Variants in TMPRSS6 observed in about 807,000 individuals in gnomAD.
TMPRSS6 encodes the protein transmembrane serine protease 6.
Under a neutral mutation model 101.5 loss-of-function variants are expected in TMPRSS6, and 67 were observed. The ratio of observed to expected loss-of-function variants is 0.66; its 90% CI spans 0.54 to 0.81. TMPRSS6 has a LOEUF of 0.81. Among genes scored for constraint, TMPRSS6 ranks in the 30% least tolerant of loss-of-function variants. The pLI, the probability that TMPRSS6 is intolerant of heterozygous loss-of-function variation, is 0.00. For missense variants in TMPRSS6, 1,034 were observed against 1,088.7 expected, an observed-to-expected ratio of 0.95 and a Z score of 0.71; for synonymous variants, 453 against 464.9, an observed-to-expected ratio of 0.97 and a Z score of 0.33.
At position 37,067,421 on chromosome 22, in the gene TMPRSS6, C is replaced by G. The variant is rs1288940667; in HGVS notation, c.2114-459G>C. Among the ~76,000 whole-genome samples, 5 of 152,088 alleles carry G rather than the reference C, an allele frequency of 3.3e-5. No individual in the cohort carries two copies. In the East Asian group the frequency reaches 9.6e-4, roughly 29 times the overall value. On this transcript the variant is annotated intron_variant, in intron 16 of 17. Transcript: ENST00000676104. ...GGAGGAGGGGGATCCGAGCCGAGATCGCGCCATTGCACTCCAGCCTGGGCA... is the reference window on the plus strand; with the variant it reads ...GGAGGAGGGGGATCCGAGCCGAGATGGCGCCATTGCACTCCAGCCTGGGCA...
At chr22:37,068,579 A>C in intron 16 of TMPRSS6, 1 of 779,528 alleles carries the variant, frequency 1.3e-6, no homozygotes, top group Non-Finnish European at 2.4e-6. Flanking sequence ...CCTGGGTTCT[A>C]ATCTTTGCTC....
intron 8 of TMPRSS6, 25 bp downstream of exon 8, chr22:37,086,258 G>T (rs766331809): frequency 1.9e-6 from 3 of 1,614,008 alleles, no homozygotes; most frequent in Admixed American, 3.3e-5. Flanking sequence ...CCCCTCCCCT[G>T]CCCCAGGGAC....
chr22:37,069,255 C>A lies in TMPRSS6; in HGVS notation c.1931G>T (p.Arg644Leu), dbSNP rs774535079. The change falls in exon 16 of 18, where the codon CGC (arginine) becomes CTC (leucine). Residue 644 changes from arginine to leucine, a missense_variant. By Grantham distance (102) the Arg-to-Leu change is moderately radical. Coordinates refer to ENST00000676104, the MANE Select transcript of TMPRSS6 (RefSeq NM_001374504.1). The surrounding 1 kb of genome is among the most constrained non-coding windows in gnomAD (Gnocchi z 4.8). ...TTCGTGGTACGGGTGCAGGAGCAGG[C>A]GGCTCACCTTGAAGGACACCTCTCC... ...WPGEVSFKVS[R>L]LLLHPYHEED... 6.2e-7 allele frequency: 1 copy of A among 1,611,180 alleles called. No individual in the cohort carries two copies.
rs191590300 is a variant in TMPRSS6, at chr22:37,082,609, G to A, written c.1196+1686C>T. The stretch of plus-strand genomic sequence containing the variant: ...AGCTCCATGAGGGGTCAGGGCAGCC[G>A]TTCCCAGAGGTGCCCCCATCATGCT... On this transcript the variant is annotated intron_variant, in intron 10 of 17. Coordinates refer to ENST00000676104, the MANE Select transcript of TMPRSS6 (RefSeq NM_001374504.1). 36 of 212,518 alleles carry A rather than the reference G, an allele frequency of 1.7e-4. No individual in the cohort carries two copies. In the East Asian group the frequency reaches 2.5e-3, roughly 15 times the overall value. The allele number at this position is 212,518 out of a possible 1,614,324, so 13.2% of individuals were successfully genotyped here. A position where few individuals can be genotyped will look rare whatever the true frequency, so the allele number is the denominator to read the frequency against.
intron 13 of TMPRSS6, 44 bp from the exon 14 acceptor site, chr22:37,071,076 T>G: frequency 6.3e-7 from 1 of 1,581,820 alleles, no homozygotes; most frequent in Non-Finnish European, 8.7e-7. Context: ...GGTGGGTCTC[T>G]GAGCCCCAAG....
At chr22:37,106,792 G>T (rs1930739319) in intron 1 of TMPRSS6, among the ~76,000 whole-genome samples, 1 of 152,166 alleles carries the variant, frequency 6.6e-6, no homozygotes. Context: ...CTTCCATCAT[G>T]CACATGGTGC....
intron 6 of TMPRSS6, among the ~76,000 whole-genome samples, chr22:37,091,552 A>T (rs1929265732): frequency 6.6e-6 from 1 of 152,226 alleles, no homozygotes; most frequent in Admixed American, 6.5e-5. Flanking sequence ...CTCATGGGCC[A>T]TACAAAATCA....
chr22:37,091,798 T>C (rs1929286727), intron 6 of TMPRSS6, among the ~76,000 whole-genome samples: 1 of 152,168 alleles, frequency 6.6e-6, no homozygotes, highest in Non-Finnish European at 1.5e-5. Context: ...GTAATAATAA[T>C]CCCTGTCCTA....
intron 6 of TMPRSS6, among the ~76,000 whole-genome samples, chr22:37,093,093 A>T (rs1417618832): frequency 6.6e-6 from 1 of 152,354 alleles, no homozygotes; most frequent in East Asian, 1.9e-4. Context: ...GGGGCCTGGC[A>T]TGAAGGAAGT....
chr22:37,091,442 A>AG (rs1389930814), intron 6 of TMPRSS6, among the ~76,000 whole-genome samples: 4 of 151,984 alleles, frequency 2.6e-5, no homozygotes, highest in Non-Finnish European at 5.9e-5. Context: ...CCCCCAGGGG[A>AG]GGGGGTATAT....
At chr22:37,107,148 G>A (rs914234193) in intron 1 of TMPRSS6, among the ~76,000 whole-genome samples, 4 of 152,198 alleles carry the variant, frequency 2.6e-5, no homozygotes, top group African/African-American at 9.7e-5. Context: ...CCTCCAGGAA[G>A]GAGGACTTGT....
At position 37,103,513 on chromosome 22, in the gene TMPRSS6, C is replaced by G; in HGVS notation, c.-1-95G>C. The G allele has an allele frequency of 6.2e-7, 1 of 1,614,182 alleles. No individual in the cohort carries two copies. Among genetic ancestry groups the G allele is most frequent in the African/African-American group, 1.3e-5 (1 of 75,048 alleles). On this transcript the variant is annotated intron_variant, in intron 1 of 17. Coordinates refer to ENST00000676104, the MANE Select transcript of TMPRSS6 (RefSeq NM_001374504.1). The surrounding 1 kb of genome is among the most constrained non-coding windows in gnomAD (Gnocchi z 4.4). ...GGGGCACGGAAGCAGGACTTCCCTG[C>G]CTTTTGGAGTGGAAGAGTAACAACA...
intron 10 of TMPRSS6, among the ~76,000 whole-genome samples, chr22:37,081,908 T>A (rs1433355328): frequency 1.3e-5 from 2 of 152,232 alleles, no homozygotes; most frequent in African/African-American, 4.8e-5. Flanking sequence ...TTGGAAGCTG[T>A]CCTAGTGCCT....
At chr22:37,092,199 C>T (rs994637124) in intron 6 of TMPRSS6, among the ~76,000 whole-genome samples, 1 of 151,776 alleles carries the variant, frequency 6.6e-6, no homozygotes, top group Non-Finnish European at 1.5e-5. Context: ...GAGGAATTAA[C>T]TGAACACGCC....
At position 37,098,398 on chromosome 22, in the gene TMPRSS6, C is replaced by T; in HGVS notation, c.336+18G>A. ...ACCCCCATATTCCCTCCCTCTCATC[C>T]CCCAGATCCTTTCCTACCATCTTCT... On this transcript the variant is annotated intron_variant, in intron 3 of 17. Coordinates refer to ENST00000676104, the MANE Select transcript of TMPRSS6 (RefSeq NM_001374504.1). 1.2e-6 allele frequency: 2 copies of T among 1,613,934 alleles called. No individual in the cohort carries two copies. Among genetic ancestry groups the T allele is most frequent in the Non-Finnish European group, 1.7e-6 (2 of 1,179,976 alleles).
rs547343971 is a variant in TMPRSS6 at position 37,083,756 on chromosome 22, G to A, written c.1196+539C>T. ...AACTTAGTTACCAGAGGGAGCAAGGGCAAGAGCAGGGAAGAGGGCAAGTGC... is the reference window on the plus strand; with the variant it reads ...AACTTAGTTACCAGAGGGAGCAAGGACAAGAGCAGGGAAGAGGGCAAGTGC... On this transcript the variant is annotated intron_variant, in intron 10 of 17. Transcript: ENST00000676104. 3.3e-5 allele frequency among the ~76,000 whole-genome samples: 5 copies of A among 152,378 alleles called. No individual in the cohort carries two copies. The South Asian group carries it at 1.0e-3, about 32-fold the overall frequency.
At chr22:37,100,517 T>C (rs1930223369) in intron 2 of TMPRSS6, among the ~76,000 whole-genome samples, 1 of 152,092 alleles carries the variant, frequency 6.6e-6, no homozygotes, top group East Asian at 1.9e-4. Flanking sequence ...CCAGGTTTGC[T>C]GGCAAAGTGG....
Position 37,095,947 on chromosome 22 carries a change from C to T in TMPRSS6, c.548G>A (p.Arg183Lys), listed in dbSNP as rs542381733. 1 of 1,614,184 alleles carries T rather than the reference C, an allele frequency of 6.2e-7. No homozygotes were observed. The highest frequency in any genetic ancestry group is 2.2e-5 in the East Asian group (1 of 44,878). Residue 183 changes from arginine (R) to lysine (K), a missense_variant, in exon 5 of 18, where the codon AGG (arginine) becomes AAG (lysine). Transcript: ENST00000676104. Reference protein sequence around the residue: ...TVNSSAAVPYRAEYEVDPEGL... With the variant: ...TVNSSAAVPYKAEYEVDPEGL... ...CTCGGGGTCCACTTCGTACTCGGCC[C>T]TGTAGGGGACGGCAGCCGAGCTGTT...
At chr22:37,109,969 C>T (rs1229210239), upstream of TMPRSS6, among the ~76,000 whole-genome samples, 1 of 151,918 alleles carries the variant, frequency 6.6e-6, no homozygotes, top group Non-Finnish European at 1.5e-5. Context: ...AAGGGTGAGT[C>T]CAGGTGCTTA....
Sources: allele counts gnomAD v4.1 joint callset (sites outside exome capture counted in the v4.1 genomes callset), GRCh38; gene constraint gnomAD v4.1.1; non-coding constraint Gnocchi (gnomAD v3.1); transcripts MANE v1.5; gene names NCBI Gene and HGNC (gene_info 2026-07-23, HGNC 2026-07-21).